APP: variants seen among roughly 807,000 people sequenced by gnomAD.
The protein encoded by APP is amyloid-beta precursor protein.
In APP, 31 loss-of-function variants were observed where a neutral mutation model predicts 101.4. That is an observed-to-expected ratio of 0.31 (90% confidence interval 0.23 to 0.41). APP has a LOEUF of 0.41. APP is among the 10% of genes least tolerant of loss of function. The pLI is 1.00. For missense variants in APP, 839 were observed against 1,003.7 expected, an observed-to-expected ratio of 0.84 and a Z score of 2.22; for synonymous variants, 366 against 364.4, an observed-to-expected ratio of 1.00 and a Z score of -0.05.
intron 1 of APP, among the ~76,000 whole-genome samples, chr21:26,116,969 C>T (rs188551075): frequency 2.6e-5 from 4 of 152,156 alleles, no homozygotes; most frequent in Admixed American, 6.5e-5. Context: ...GCAACCTCTC[C>T]GCCTCCTAGG....
intron 17 of APP, among the ~76,000 whole-genome samples, chr21:25,890,798 C>A (rs1179048429): frequency 6.6e-6 from 1 of 151,354 alleles, no homozygotes; most frequent in South Asian, 2.1e-4. Context: ...TAATTTGAAC[C>A]CTTCTGTCTC....
At chr21:25,917,895 T>C (rs1245883881) in intron 13 of APP, among the ~76,000 whole-genome samples, 2 of 150,174 alleles carry the variant, frequency 1.3e-5, no homozygotes, top group East Asian at 1.9e-4. Context: ...AAACAAGACA[T>C]GTATGTGGCC....
intron 2 of APP, among the ~76,000 whole-genome samples, chr21:26,103,719 G>A (rs2062116701): frequency 6.6e-6 from 1 of 152,222 alleles, no homozygotes; most frequent in Admixed American, 6.5e-5. Context: ...CAGAACTCCT[G>A]CCCATTACCG....
In APP at chr21:25,954,286, G is replaced by C. The variant is rs1406425564; in HGVS notation, c.1687+304C>G. On this transcript the variant is annotated intron_variant, in intron 13 of 17. Coordinates refer to ENST00000346798, the MANE Select transcript of APP (RefSeq NM_000484.4). The stretch of plus-strand genomic sequence containing the variant: ...AAAGTACCAAAGCATCATAATTTGA[G>C]AGCCATAACAAGATTGGGCAAATTA... Among the ~76,000 whole-genome samples the C allele has an allele frequency of 4.6e-5, 7 of 152,294 alleles. No homozygotes were observed. In the South Asian group the frequency reaches 1.5e-3, roughly 32 times the overall value.
At chr21:26,049,481 T>C (rs1472835965) in intron 5 of APP, among the ~76,000 whole-genome samples, 2 of 152,022 alleles carry the variant, frequency 1.3e-5, no homozygotes, top group Non-Finnish European at 1.5e-5. Flanking sequence ...TCAACTGCTA[T>C]GGGGAAGATG....
chr21:26,141,680 T>C (rs960348679), intron 1 of APP, among the ~76,000 whole-genome samples: 4 of 152,210 alleles, frequency 2.6e-5, no homozygotes, highest in African/African-American at 9.6e-5. Context: ...ACTTGCTGAG[T>C]ATATACTATG....
chr21:25,993,856 G>A (rs1002935468), intron 8 of APP, among the ~76,000 whole-genome samples: 1 of 151,354 alleles, frequency 6.6e-6, no homozygotes, highest in African/African-American at 2.4e-5. Context: ...GTAGGGGTCA[G>A]GGGTACTGCT....
chr21:26,012,975 C>CAACAA (rs146168082), intron 6 of APP, among the ~76,000 whole-genome samples: 3,225 of 147,788 alleles, frequency 0.022, 101 homozygotes, highest in African/African-American at 0.069. Flanking sequence ...GACTCCATGT[C>CAACAA]AACAAAACAA....
At chr21:26,148,493 A>C (rs1252289368) in intron 1 of APP, among the ~76,000 whole-genome samples, 1 of 152,248 alleles carries the variant, frequency 6.6e-6, no homozygotes, top group Non-Finnish European at 1.5e-5. Context: ...CTCATTTCAA[A>C]CTCTAACAAC....
At chr21:26,125,277 C>T (rs1055320536) in intron 1 of APP, among the ~76,000 whole-genome samples, 5 of 152,060 alleles carry the variant, frequency 3.3e-5, no homozygotes, top group African/African-American at 4.8e-5. Flanking sequence ...GGACAACTTT[C>T]GTGGGCCTCT....
intron 3 of APP, among the ~76,000 whole-genome samples, chr21:26,079,044 C>CA (rs34285555): frequency 0.63 from 72,418 of 114,186 alleles, 22,849 homozygotes; most frequent in East Asian, 0.8. Flanking sequence ...AACTCCATCT[C>CA]AAAAAAAAAA....
chr21:26,069,098 C>G (rs9980729), intron 3 of APP, among the ~76,000 whole-genome samples: 12,149 of 152,198 alleles, frequency 0.08, 609 homozygotes, highest in African/African-American at 0.14. Context: ...ATGACTCCTG[C>G]TGAACACATT....
chr21:26,135,109 A>G (rs1157371975), intron 1 of APP, among the ~76,000 whole-genome samples: 1 of 152,230 alleles, frequency 6.6e-6, no homozygotes, highest in Admixed American at 6.5e-5. Context: ...CTTAGTGAAT[A>G]GACAGCAAGA....
rs1568789777 is a variant in APP, at chr21:25,973,942, T to TAAAAAA, written c.1458+1127_1458+1128insTTTTTT. ...GTGACAGAGTGAGACTCCATCTCAT[T>TAAAAAA]TAAAAAAAAAAAAAAAAAAAAAGAA... On this transcript the variant is annotated intron_variant, in intron 11 of 17. Transcript: ENST00000346798. Among the ~76,000 whole-genome samples, 83 of 73,638 alleles carry TAAAAAA rather than the reference T, an allele frequency of 1.1e-3. 1 individual carries two copies. Among genetic ancestry groups the TAAAAAA allele is most frequent in the African/African-American group, 9.2e-3 (77 of 8,348 alleles). The allele number at this position is 73,638 out of a possible 152,430, so 48.3% of individuals were successfully genotyped here.
At chr21:25,883,764 A>G (rs554769253) in intron 17 of APP, among the ~76,000 whole-genome samples, 7 of 152,202 alleles carry the variant, frequency 4.6e-5, no homozygotes, top group African/African-American at 9.7e-5. Flanking sequence ...GGATAGCCCC[A>G]CTTCATGAAG....
chr21:25,982,288 G>A, intron 9 of APP, 56 bp downstream of exon 9: 1 of 1,593,456 alleles, frequency 6.3e-7, no homozygotes, highest in Non-Finnish European at 8.6e-7. Flanking sequence ...CTGAGGCAGA[G>A]GCAAGCTCAG....
intron 8 of APP, among the ~76,000 whole-genome samples, chr21:25,993,054 A>G (rs946514780): frequency 6.6e-6 from 1 of 151,850 alleles, no homozygotes; most frequent in African/African-American, 2.4e-5. Context: ...ATTCCATTGA[A>G]AGGCTGCGTG....
At chr21:25,988,719 AAAAAG>A (rs1402108601) in intron 8 of APP, among the ~76,000 whole-genome samples, 3 of 149,022 alleles carry the variant, frequency 2.0e-5, no homozygotes, top group African/African-American at 7.7e-5. Flanking sequence ...AAAAAAAAAA[AAAAAG>A]GAGACAAAGA....
intron 1 of APP, among the ~76,000 whole-genome samples, chr21:26,117,798 T>A (rs1320056421): frequency 6.6e-6 from 1 of 152,190 alleles, no homozygotes; most frequent in Non-Finnish European, 1.5e-5. Context: ...TTGCCACATC[T>A]ATTCACAGCC....
Sources: allele counts gnomAD v4.1 joint callset (sites outside exome capture counted in the v4.1 genomes callset), GRCh38; gene constraint gnomAD v4.1.1; transcripts MANE v1.5; gene names NCBI Gene and HGNC (gene_info 2026-07-23, HGNC 2026-07-21).